The following PNPT1 variants were observed in gnomAD, a reference collection of about 807,000 sequenced individuals.
PNPT1 encodes the protein polyribonucleotide nucleotidyltransferase 1, mitochondrial.
Under a neutral mutation model 119.5 loss-of-function variants are expected in PNPT1, and 53 were observed. The observed-to-expected ratio is 0.44, with a 90% CI of 0.36 to 0.56. PNPT1 has a LOEUF of 0.56. Among genes scored for constraint, PNPT1 ranks in the 20% least tolerant of loss-of-function variants. PNPT1 has a pLI of 0.00. For missense variants in PNPT1, 948 were observed against 938.5 expected (o/e 1.01, Z -0.13); for synonymous variants, 357 against 322.1 (o/e 1.11, Z -1.16).
chr2:55,667,311 T>C (rs185681212), intron 12 of PNPT1, among the ~76,000 whole-genome samples: 1 of 152,192 alleles, frequency 6.6e-6, no homozygotes, highest in East Asian at 1.9e-4. Flanking sequence ...ACTCTACAGG[T>C]AGGCCGGGCG....
intron 18 of PNPT1, among the ~76,000 whole-genome samples, chr2:55,650,406 A>G (rs557747185): frequency 2.6e-5 from 4 of 152,202 alleles, no homozygotes; most frequent in African/African-American, 7.2e-5. Context: ...CGGCATCCTG[A>G]GGTGCCGGGA....
rs1696707153 is a variant in PNPT1, at chr2:55,665,575, A to T, written c.1176+1416T>A. ...TAAAAAAAGAAAAACTGGCCAAAGG[A>T]TATGGACAGAAAATTCATAAAAGGG... On this transcript the variant is annotated intron_variant, in intron 13 of 27. Transcript: ENST00000447944. 1.3e-5 allele frequency among the ~76,000 whole-genome samples: 2 copies of T among 152,232 alleles called. 1 individual carries two copies. Among genetic ancestry groups the T allele is most frequent in the Non-Finnish European group, 2.9e-5 (2 of 68,042 alleles).
At chr2:55,646,123 T>C (rs1179379123) in intron 21 of PNPT1, 136 bp downstream of exon 21, 4 of 848,644 alleles carry the variant, frequency 4.7e-6, no homozygotes, top group Admixed American at 3.0e-5. Flanking sequence ...CCACCACACC[T>C]GGCCAGTACT....
intron 11 of PNPT1, among the ~76,000 whole-genome samples, chr2:55,670,983 A>G (rs983972806): frequency 4.9e-5 from 7 of 141,952 alleles, no homozygotes; most frequent in South Asian, 2.3e-4. Flanking sequence ...AAAAAAAAAA[A>G]GTCTATTATT....
intron 1 of PNPT1, among the ~76,000 whole-genome samples, chr2:55,692,848 C>A (rs781331696): frequency 2.6e-5 from 4 of 152,088 alleles, no homozygotes; most frequent in South Asian, 2.1e-4. Context: ...GTCATCCTTC[C>A]GTCTTAGCCT....
intron 3 of PNPT1, among the ~76,000 whole-genome samples, chr2:55,685,902 C>A (rs369731372): frequency 6.6e-6 from 1 of 152,148 alleles, no homozygotes; most frequent in African/African-American, 2.4e-5. Flanking sequence ...GTAAATTCTA[C>A]ATAAATAGTT....
intron 5 of PNPT1, among the ~76,000 whole-genome samples, chr2:55,682,873 G>A (rs557700943): frequency 1.3e-5 from 2 of 152,092 alleles, no homozygotes; most frequent in African/African-American, 2.4e-5. Context: ...CATGCCAACT[G>A]TACTCCAGCC....
At position 55,646,248 on chromosome 2, in the gene PNPT1, C is replaced by A. The variant is rs1213793583; in HGVS notation, c.1738+11G>T. The A allele has an allele frequency of 6.2e-7, 1 of 1,607,054 alleles. No homozygotes were observed. The highest frequency in any genetic ancestry group is 2.2e-5 in the East Asian group (1 of 44,802). On this transcript the variant is annotated intron_variant, in intron 21 of 27. Transcript: ENST00000447944. Reference sequence around the variant, plus strand: ...AAAAGAATGAAGGGAGAATCAAGCACACTAGCTCACCTGAAGCTTGTTGAA... The same window carrying A: ...AAAAGAATGAAGGGAGAATCAAGCAAACTAGCTCACCTGAAGCTTGTTGAA...
At chr2:55,671,041 G>A (rs1696896276) in intron 11 of PNPT1, among the ~76,000 whole-genome samples, 1 of 152,054 alleles carries the variant, frequency 6.6e-6, no homozygotes, top group South Asian at 2.1e-4. Context: ...TAGCGGTTCT[G>A]TGCAAAGGGG....
intron 11 of PNPT1, among the ~76,000 whole-genome samples, chr2:55,669,273 C>T (rs998246467): frequency 1.3e-5 from 2 of 152,142 alleles, no homozygotes. Context: ...AAAGATCTGT[C>T]AGCCTCAAAG....
chr2:55,672,241 T>C (rs1572823377), intron 9 of PNPT1, among the ~76,000 whole-genome samples, 195 bp from the exon 10 acceptor site: 2 of 152,218 alleles, frequency 1.3e-5, no homozygotes. Context: ...ACAAATTTCT[T>C]TCTCCCACCC....
Position 55,647,337 on chromosome 2 carries a change from A to C in PNPT1, c.1602+10T>G. ...CATTATTAAATATTTGAAACCGAGA[A>C]TATACTTGCCAAAATATCTGTCAGC... is the stretch of plus-strand genomic sequence containing the variant. On this transcript the variant is annotated intron_variant, in intron 19 of 27. Coordinates refer to ENST00000447944, the MANE Select transcript of PNPT1 (RefSeq NM_033109.5). The C allele has an allele frequency of 3.2e-6, 5 of 1,583,950 alleles. No homozygotes were observed. The highest frequency in any genetic ancestry group is 4.3e-6 in the Non-Finnish European group (5 of 1,164,032).
intron 15 of PNPT1, among the ~76,000 whole-genome samples, chr2:55,657,101 G>C (rs943553318): frequency 6.6e-6 from 1 of 152,142 alleles, no homozygotes; most frequent in African/African-American, 2.4e-5. Context: ...GGCCAAGGCA[G>C]GCAGCTCACT....
intron 11 of PNPT1, among the ~76,000 whole-genome samples, chr2:55,668,212 G>C (rs775775096): frequency 6.6e-6 from 1 of 152,202 alleles, no homozygotes; most frequent in Non-Finnish European, 1.5e-5. Context: ...CTGAATGACA[G>C]TGCTTTGAAA....
At chr2:55,640,310 C>T (rs527257009) in intron 26 of PNPT1, among the ~76,000 whole-genome samples, 3 of 152,252 alleles carry the variant, frequency 2.0e-5, no homozygotes, top group East Asian at 3.9e-4. Context: ...CACGCCACCA[C>T]GCCCAGCTAA....
At chr2:55,658,691 A>C (rs1478549338) in intron 15 of PNPT1, among the ~76,000 whole-genome samples, 1 of 152,174 alleles carries the variant, frequency 6.6e-6, no homozygotes, top group African/African-American at 2.4e-5. Flanking sequence ...CATGACAAAG[A>C]ACCTGCTTTA....
intron 18 of PNPT1, among the ~76,000 whole-genome samples, chr2:55,651,134 C>T (rs1458200146): frequency 2.3e-4 from 34 of 149,802 alleles, no homozygotes; most frequent in African/African-American, 7.4e-4. Context: ...CGCCTCTGCC[C>T]GGCCGCCCCT....
chr2:55,671,577 A>C (rs569952184), intron 10 of PNPT1, among the ~76,000 whole-genome samples: 1 of 152,248 alleles, frequency 6.6e-6, no homozygotes, highest in African/African-American at 2.4e-5. Context: ...CCTAAAACTT[A>C]TATTAAAAAG....
At chr2:55,684,901 G>A in intron 4 of PNPT1, 42 bp downstream of exon 4, 2 of 1,460,556 alleles carry the variant, frequency 1.4e-6, no homozygotes, top group Non-Finnish European at 1.8e-6. Flanking sequence ...TGCTAACATA[G>A]GCATACCAGA....
Sources: gnomAD v4.1 joint callset for allele counts (sites outside exome capture counted in the v4.1 genomes callset) on GRCh38, gnomAD v4.1.1 for gene constraint, MANE v1.5 for transcripts, NCBI Gene and HGNC (gene_info 2026-07-23, HGNC 2026-07-21) for gene names.